USP32: variants seen among roughly 807,000 people sequenced by gnomAD.
USP32 encodes the protein ubiquitin carboxyl-terminal hydrolase 32.
Under a neutral mutation model 204.8 loss-of-function variants are expected in USP32, and 59 were observed. The ratio of observed to expected loss-of-function variants is 0.29; its 90% CI spans 0.23 to 0.36. The LOEUF is 0.36. USP32 is among the 10% of genes least tolerant of loss of function. The probability of loss-of-function intolerance (pLI) is 1.00; values close to 1 mark genes in which losing one functional copy is unlikely to be tolerated. For synonymous variants in USP32, 517 were observed against 678.4 expected, an observed-to-expected ratio of 0.76 and a Z score of 3.70; for missense variants, 1,160 against 1,946.4, an observed-to-expected ratio of 0.60 and a Z score of 7.60.
intron 16 of USP32, among the ~76,000 whole-genome samples, chr17:60,218,912 G>C (rs550964222): frequency 1.3e-5 from 2 of 152,260 alleles, no homozygotes; most frequent in East Asian, 3.9e-4. Context: ...CTTTACTGCT[G>C]AAGAATAATT....
At chr17:60,417,958 C>CTTTTTTTTTTT (rs770082982) in intron 1 of USP32, among the ~76,000 whole-genome samples, 1 of 112,752 alleles carries the variant, frequency 8.9e-6, no homozygotes, top group African/African-American at 3.9e-5. Flanking sequence ...TCCGGCTAAT[C>CTTTTTTTTTTT]TTTTTTTTTT....
chr17:60,406,455 A>C (rs967993663), intron 1 of USP32, among the ~76,000 whole-genome samples: 2 of 152,156 alleles, frequency 1.3e-5, no homozygotes, highest in Non-Finnish European at 2.9e-5. Flanking sequence ...CTGGGATCAC[A>C]GGCGTGTGCC....
At position 60,281,296 on chromosome 17, in the gene USP32, C is replaced by T. The variant is rs566240906; in HGVS notation, c.571+7227G>A. Among the ~76,000 whole-genome samples, 4 of 152,222 alleles carry T rather than the reference C, an allele frequency of 2.6e-5. No individual in the cohort carries two copies. The South Asian group carries it at 8.3e-4, about 32-fold the overall frequency. On this transcript the variant is annotated intron_variant, in intron 5 of 33. Transcript: ENST00000300896. ...GCTCACGCCTGTAATCCCAGCACTT[C>T]GGGAGGCCGAGGCGGATGGATCATG...
At chr17:60,276,084 T>A (rs2086833217) in intron 5 of USP32, among the ~76,000 whole-genome samples, 1 of 152,242 alleles carries the variant, frequency 6.6e-6, no homozygotes, top group East Asian at 1.9e-4. Flanking sequence ...ATCTAATTTT[T>A]AAAATATATA....
chr17:60,390,541 AAAAG>A lies in USP32; in HGVS notation c.58+1337_58+1340del, dbSNP rs556842214. Among the ~76,000 whole-genome samples the A allele has an allele frequency of 1.6e-3, 248 of 152,356 alleles. 1 individual carries two copies. Among genetic ancestry groups the A allele is most frequent in the African/African-American group, 5.6e-3 (231 of 41,582 alleles). On this transcript the variant is annotated intron_variant, in intron 1 of 33. Transcript: ENST00000300896. ...AATTATTATACTGTTCCACAAGGGA[AAAAG>A]AAAGAAAGACATAAAAGGCATATCT...
intron 11 of USP32, chr17:60,249,701 C>G (rs886166946): frequency 1.4e-6 from 1 of 699,948 alleles, no homozygotes; most frequent in East Asian, 2.7e-5. Flanking sequence ...ATTAGTAGTT[C>G]TTGAATAAAT....
At chr17:60,309,546 G>A (rs2087805813) in intron 2 of USP32, among the ~76,000 whole-genome samples, 1 of 152,070 alleles carries the variant, frequency 6.6e-6, no homozygotes, top group South Asian at 2.1e-4. Context: ...ATGTTGCAGT[G>A]GGCCAAGACT....
At chr17:60,392,487 C>G (rs889697474), upstream of USP32, 1 of 252,808 alleles carries the variant, frequency 4.0e-6, no homozygotes, top group Non-Finnish European at 8.2e-6. Flanking sequence ...ACGACCCCCC[C>G]CGCCCCCGCG....
chr17:60,223,579 C>T lies in USP32; in HGVS notation c.1440G>A (p.Leu480=). ...EASETAGSGF[L]YSATPGADVC... ...CATCTGCCCCTGGTGTGGCAGAATA[C>T]AGAAAGCCTATAAAAAAAAAAGAGG... The change falls in exon 14 of 34, where the codon CTG becomes CTA. Residue 480 remains leucine (L), a synonymous_variant. Transcript: ENST00000300896. 3 of 1,583,228 alleles carry T rather than the reference C, an allele frequency of 1.9e-6. No homozygotes were observed. The highest frequency in any genetic ancestry group is 2.6e-6 in the Non-Finnish European group (3 of 1,171,824).
intron 7 of USP32, among the ~76,000 whole-genome samples, chr17:60,267,434 T>C (rs1336158201): frequency 6.6e-6 from 1 of 152,190 alleles, no homozygotes; most frequent in East Asian, 1.9e-4. Context: ...ATCAAGAATC[T>C]TAAGCTGATA....
intron 25 of USP32, 142 bp from the exon 26 acceptor site, chr17:60,205,800 T>C (rs1398767794): frequency 8.6e-7 from 1 of 1,157,830 alleles, no homozygotes; most frequent in African/African-American, 1.6e-5. Flanking sequence ...AATTCTAGAT[T>C]TATTGGAAGA....
intron 1 of USP32, among the ~76,000 whole-genome samples, chr17:60,349,757 C>CT (rs1390287969): frequency 6.9e-6 from 1 of 145,420 alleles, no homozygotes; most frequent in African/African-American, 2.5e-5. Flanking sequence ...TATAAATAAG[C>CT]TTTTAAAGCA....
At chr17:60,180,425 A>G in intron 33 of USP32, 120 bp downstream of exon 33, 1 of 1,137,252 alleles carries the variant, frequency 8.8e-7, no homozygotes, top group South Asian at 1.5e-5. Context: ...GCATCTATAT[A>G]TTGATTCTAA....
chr17:60,211,696 G>A (rs1240866763), intron 19 of USP32, among the ~76,000 whole-genome samples, 182 bp from the exon 20 acceptor site: 1 of 152,084 alleles, frequency 6.6e-6, no homozygotes, highest in Non-Finnish European at 1.5e-5. Context: ...TGGCAACAGT[G>A]ATGATCCATG....
chr17:60,185,872 G>A (rs1272724666), intron 29 of USP32: 1 of 462,432 alleles, frequency 2.2e-6, no homozygotes, highest in African/African-American at 1.9e-5. Flanking sequence ...AACCAGCCTG[G>A]TCAAAAGAGT....
At chr17:60,267,663 G>A (rs2086628442) in intron 7 of USP32, among the ~76,000 whole-genome samples, 1 of 151,898 alleles carries the variant, frequency 6.6e-6, no homozygotes, top group African/African-American at 2.4e-5. Context: ...TGGGACTATA[G>A]GTGTCCACCA....
chr17:60,306,919 T>C (rs1490024514), intron 2 of USP32, among the ~76,000 whole-genome samples: 1 of 151,996 alleles, frequency 6.6e-6, no homozygotes, highest in Non-Finnish European at 1.5e-5. Flanking sequence ...CCCAAGTGAG[T>C]AATCCAAGTT....
chr17:60,419,827 ATTATT>A (rs1209590973), intron 1 of USP32, among the ~76,000 whole-genome samples: 1 of 85,748 alleles, frequency 1.2e-5, no homozygotes, highest in Non-Finnish European at 2.0e-5. Context: ...AATTATTATT[ATTATT>A]ATTATTATTA....
At chr17:60,194,129 A>G (rs951931080) in intron 27 of USP32, among the ~76,000 whole-genome samples, 1 of 151,544 alleles carries the variant, frequency 6.6e-6, no homozygotes, top group African/African-American at 2.4e-5. Flanking sequence ...AGCAGCCTCC[A>G]CCTTTCTGGG....
Sources: allele counts gnomAD v4.1 joint callset (sites outside exome capture counted in the v4.1 genomes callset), GRCh38; gene constraint gnomAD v4.1.1; transcripts MANE v1.5; gene names NCBI Gene and HGNC (gene_info 2026-07-23, HGNC 2026-07-21).